IL7: variants seen among roughly 807,000 people sequenced by gnomAD.
IL7 encodes interleukin-7.
A neutral mutation model predicts 21.6 loss-of-function variants in IL7; 3 were observed. The observed-to-expected ratio is 0.14, with a 90% CI of 0.06 to 0.36. The LOEUF (loss-of-function observed/expected upper bound fraction) is 0.36. Among genes scored for constraint, IL7 ranks in the 10% least tolerant of loss-of-function variants. The pLI is 1.00. For synonymous variants in IL7, 62 were observed against 68.1 expected, an observed-to-expected ratio of 0.91 and a Z score of 0.44; for missense variants, 175 against 200.2, an observed-to-expected ratio of 0.87 and a Z score of 0.76.
At chr8:78,711,741 G>C (rs190256717) in intron 3 of IL7, among the ~76,000 whole-genome samples, 2 of 151,890 alleles carry the variant, frequency 1.3e-5, no homozygotes, top group Non-Finnish European at 2.9e-5. Flanking sequence ...TTGCCCTGCT[G>C]TGTATAATTT....
chr8:78,697,519 G>A (rs371705556), intron 3 of IL7: 10 of 1,594,266 alleles, frequency 6.3e-6, no homozygotes, highest in East Asian at 2.2e-5. Context: ...AATGATAGCC[G>A]AAAAGCAACT....
intron 3 of IL7, among the ~76,000 whole-genome samples, chr8:78,696,666 C>T (rs1429862215): frequency 6.6e-6 from 1 of 152,126 alleles, no homozygotes; most frequent in Non-Finnish European, 1.5e-5. Flanking sequence ...TAGGTCAATG[C>T]ATACTCCATT....
intron 4 of IL7, among the ~76,000 whole-genome samples, chr8:78,682,208 C>A (rs1809809996): frequency 6.6e-6 from 1 of 152,086 alleles, no homozygotes; most frequent in Non-Finnish European, 1.5e-5. Context: ...AGAGGCAGTT[C>A]CCATTAAAAT....
At chr8:78,712,739 T>G (rs1367612278) in intron 3 of IL7, among the ~76,000 whole-genome samples, 2 of 152,076 alleles carry the variant, frequency 1.3e-5, no homozygotes, top group Non-Finnish European at 2.9e-5. Context: ...GCATGAGTCT[T>G]CAAGGTTTAC....
chr8:78,698,431 GTGTCT>G, intron 3 of IL7: 1 of 1,612,418 alleles, frequency 6.2e-7, no homozygotes, highest in Non-Finnish European at 8.5e-7. Flanking sequence ...TTCAGGTAAA[GTGTCT>G]TCAAGTAGCA....
chr8:78,761,536 C>A (rs1157820345), intron 2 of IL7: 25 of 1,611,852 alleles, frequency 1.6e-5, no homozygotes, highest in Non-Finnish European at 1.9e-5. Context: ...CTTCATAAGG[C>A]AGGAAGCCTA....
chr8:78,718,465 C>A (rs1007442443), intron 6 of IL7: 7 of 151,766 alleles, frequency 4.6e-5, no homozygotes, highest in African/African-American at 1.7e-4. Flanking sequence ...GGTAACTAAT[C>A]ATTAGTGCAG....
intron 2 of IL7, among the ~76,000 whole-genome samples, chr8:78,745,315 C>T (rs1442228201): frequency 2.0e-5 from 3 of 152,188 alleles, no homozygotes; most frequent in Admixed American, 6.5e-5. Flanking sequence ...TGTGTACACA[C>T]GTATATATAC....
intron 1 of IL7, among the ~76,000 whole-genome samples, chr8:78,799,746 A>G (rs1381894177): frequency 6.6e-6 from 1 of 152,118 alleles, no homozygotes. Flanking sequence ...GCTAACCTGA[A>G]TTTGTTGCTT....
chr8:78,686,190 C>T (rs1006999658), intron 3 of IL7, among the ~76,000 whole-genome samples: 1 of 152,104 alleles, frequency 6.6e-6, no homozygotes, highest in African/African-American at 2.4e-5. Context: ...TGAACCACAG[C>T]AACAGTCTTA....
chr8:78,798,366 A>G lies in IL7; in HGVS notation c.11-158T>C, dbSNP rs557293399. Among the ~76,000 whole-genome samples, 18 of 152,210 alleles carry G rather than the reference A, an allele frequency of 1.2e-4. 1 individual carries two copies. The highest frequency in any genetic ancestry group is 4.3e-4 in the African/African-American group (18 of 41,578). On this transcript the variant is annotated intron_variant, in intron 1 of 5. Transcript: ENST00000263851. ...GAACCTCAAAAGTTGAACTTATGTA[A>G]CAACCAAAGTGGAACAGCATTTTGG...
intron 3 of IL7, among the ~76,000 whole-genome samples, chr8:78,703,883 G>C (rs912773401): frequency 5.3e-5 from 8 of 152,118 alleles, no homozygotes; most frequent in African/African-American, 1.9e-4. Flanking sequence ...AGTATTACTG[G>C]TCTGTGTACC....
At chr8:78,743,893 G>A (rs368151784) in intron 2 of IL7, among the ~76,000 whole-genome samples, 20 of 152,134 alleles carry the variant, frequency 1.3e-4, no homozygotes, top group Admixed American at 7.2e-4. Flanking sequence ...TGGATTTTCC[G>A]GTAGCTGAAG....
intron 3 of IL7, chr8:78,697,598 A>G (rs1353293024): frequency 4.6e-6 from 4 of 874,414 alleles, no homozygotes; most frequent in Non-Finnish European, 7.1e-6. Context: ...GAATATTAAG[A>G]TAGATTTATA....
chr8:78,782,914 C>A (rs182293410), intron 2 of IL7, among the ~76,000 whole-genome samples: 27 of 152,248 alleles, frequency 1.8e-4, no homozygotes, highest in Non-Finnish European at 2.2e-4. Context: ...AGGCCACATG[C>A]AGTGAAGATG....
chr8:78,719,959 A>G (rs1244176535), intron 5 of IL7, among the ~76,000 whole-genome samples: 1 of 151,836 alleles, frequency 6.6e-6, no homozygotes, highest in African/African-American at 2.4e-5. Context: ...CTGACATCAA[A>G]GTATTAGAAA....
chr8:78,752,786 TCC>T (rs1165870652), intron 2 of IL7, among the ~76,000 whole-genome samples: 1 of 152,084 alleles, frequency 6.6e-6, no homozygotes, highest in Non-Finnish European at 1.5e-5. Context: ...GATGTTCCCC[TCC>T]CTGTGCCAAT....
downstream of IL7, among the ~76,000 whole-genome samples, chr8:78,731,343 C>T (rs1811420956): frequency 6.6e-6 from 1 of 151,764 alleles, no homozygotes; most frequent in African/African-American, 2.4e-5. Flanking sequence ...ATATTAACCT[C>T]GTGTTAGGTT....
chr8:78,756,029 C>G (rs1812335163), intron 2 of IL7, among the ~76,000 whole-genome samples: 1 of 151,860 alleles, frequency 6.6e-6, no homozygotes, highest in African/African-American at 2.4e-5. Flanking sequence ...TAAGAGTTTT[C>G]ATCATAAAGA....
Sources: allele counts gnomAD v4.1 joint callset (sites outside exome capture counted in the v4.1 genomes callset), GRCh38; gene constraint gnomAD v4.1.1; transcripts MANE v1.5; gene names NCBI Gene and HGNC (gene_info 2026-07-23, HGNC 2026-07-21).